Variants in LIN9 observed in about 807,000 individuals in gnomAD.
LIN9 encodes lin-9 DREAM MuvB core complex component, also known as protein lin-9 homolog.
A neutral mutation model predicts 78.0 loss-of-function variants in LIN9; 18 were observed. The observed-to-expected ratio is 0.23, with a 90% confidence interval of 0.16 to 0.34. The LOEUF (loss-of-function observed/expected upper bound fraction) is 0.34. Among genes scored for constraint, LIN9 ranks in the 10% least tolerant of loss-of-function variants. The pLI is 1.00. For missense variants in LIN9, 451 were observed against 644.1 expected, an observed-to-expected ratio of 0.70 and a Z score of 3.25; for synonymous variants, 192 against 215.2, an observed-to-expected ratio of 0.89 and a Z score of 0.94.
intron 4 of LIN9, among the ~76,000 whole-genome samples, chr1:226,294,502 C>A (rs1188943083): frequency 6.6e-6 from 1 of 150,956 alleles, no homozygotes; most frequent in Non-Finnish European, 1.5e-5. Context: ...AACCAAGGAG[C>A]TGGAGATTGC....
At chr1:226,252,764 T>C (rs924304807) in intron 10 of LIN9, among the ~76,000 whole-genome samples, 2 of 151,964 alleles carry the variant, frequency 1.3e-5, no homozygotes, top group African/African-American at 4.8e-5. Flanking sequence ...GTCAGGAGTT[T>C]GAGACCAACC....
chr1:226,306,665 A>G (rs1334950997), intron 1 of LIN9, among the ~76,000 whole-genome samples: 4 of 152,242 alleles, frequency 2.6e-5, no homozygotes, highest in African/African-American at 9.6e-5. Flanking sequence ...TCTGGTTCAT[A>G]GTAAATACTC....
At chr1:226,302,269 T>G (rs1373353667) in intron 1 of LIN9, among the ~76,000 whole-genome samples, 2 of 151,900 alleles carry the variant, frequency 1.3e-5, no homozygotes, top group Admixed American at 6.6e-5. Flanking sequence ...AGAGGCCGGG[T>G]GCGGTGGCTC....
At chr1:226,277,667 T>C in intron 7 of LIN9, 108 bp downstream of exon 7, 1 of 988,036 alleles carries the variant, frequency 1.0e-6, no homozygotes, top group Non-Finnish European at 1.5e-6. Flanking sequence ...CTATTGTAAA[T>C]ATTTCTTGGT....
chr1:226,286,732 C>T (rs865987401), intron 5 of LIN9, among the ~76,000 whole-genome samples: 7 of 152,180 alleles, frequency 4.6e-5, no homozygotes, highest in South Asian at 2.1e-4. Flanking sequence ...GCTATCGTGG[C>T]CCTGGCCTTG....
intron 11 of LIN9, among the ~76,000 whole-genome samples, chr1:226,248,357 A>C (rs969274448): frequency 2.0e-5 from 3 of 152,120 alleles, no homozygotes; most frequent in Non-Finnish European, 4.4e-5. Flanking sequence ...TGCCAGAAAA[A>C]ATTTCGAAAT....
chr1:226,301,999 G>A (rs1474939740), intron 1 of LIN9, among the ~76,000 whole-genome samples: 1 of 152,222 alleles, frequency 6.6e-6, no homozygotes, highest in Non-Finnish European at 1.5e-5. Context: ...AGCCTGGGAG[G>A]TTGAGGCGGC....
intron 10 of LIN9, among the ~76,000 whole-genome samples, chr1:226,258,993 C>CAG (rs1405919397): frequency 1.7e-5 from 2 of 115,186 alleles, no homozygotes; most frequent in East Asian, 2.7e-4. Flanking sequence ...TTTTTTGAGA[C>CAG]AGAGTCTTGC....
At chr1:226,287,254 T>C (rs1211011610) in intron 5 of LIN9, among the ~76,000 whole-genome samples, 1 of 152,184 alleles carries the variant, frequency 6.6e-6, no homozygotes, top group African/African-American at 2.4e-5. Flanking sequence ...AAGTACCACA[T>C]CCAAACTAGA....
At chr1:226,296,153 T>G (rs776758755) in intron 3 of LIN9, among the ~76,000 whole-genome samples, 1 of 152,226 alleles carries the variant, frequency 6.6e-6, no homozygotes. Flanking sequence ...AAGGTGCTTA[T>G]GAATGAAATA....
At position 226,260,628 on chromosome 1, in the gene LIN9, G is replaced by GTTT. The variant is rs559460640; in HGVS notation, c.1038+4902_1038+4904dup. Among the ~76,000 whole-genome samples the GTTT allele has an allele frequency of 2.4e-3, 177 of 73,392 alleles. 9 individuals are homozygous for GTTT. Among genetic ancestry groups the GTTT allele is most frequent in the African/African-American group, 4.4e-3 (87 of 19,816 alleles). 48.1% of individuals were successfully genotyped at this position (73,392 alleles called of 152,430 possible). A position where few individuals can be genotyped will look rare whatever the true frequency, so the allele number is the denominator to read the frequency against. On this transcript the variant is annotated intron_variant, in intron 10 of 14. Transcript: ENST00000681046. ...AGAATTTAAGATCACGGCCAAATGA[G>GTTT]TTTTTTTTTTTTTTTTTTTTTTTTT...
At chr1:226,250,152 G>A (rs1342417574) in intron 11 of LIN9, among the ~76,000 whole-genome samples, 10 of 148,466 alleles carry the variant, frequency 6.7e-5, no homozygotes, top group African/African-American at 1.7e-4. Context: ...CCTGGGCGAC[G>A]AGCAAAATTC....
intron 7 of LIN9, among the ~76,000 whole-genome samples, chr1:226,272,959 A>T (rs1660401163): frequency 6.6e-6 from 1 of 152,104 alleles, no homozygotes; most frequent in African/African-American, 2.4e-5. Context: ...TCAGCTGGAC[A>T]TCATCACCCC....
chr1:226,263,892 T>TAGGTA (rs1418154129), intron 10 of LIN9, among the ~76,000 whole-genome samples: 1 of 152,062 alleles, frequency 6.6e-6, no homozygotes, highest in African/African-American at 2.4e-5. Context: ...GGTAACATAG[T>TAGGTA]GAGACTCCAT....
chr1:226,243,402 T>C (rs917000867), intron 11 of LIN9, among the ~76,000 whole-genome samples: 9 of 152,132 alleles, frequency 5.9e-5, no homozygotes, highest in Non-Finnish European at 8.8e-5. Context: ...TATTTAAAAA[T>C]GTCTGCCCTT....
At chr1:226,256,868 AT>A (rs906697597) in intron 10 of LIN9, among the ~76,000 whole-genome samples, 1 of 151,826 alleles carries the variant, frequency 6.6e-6, no homozygotes, top group Admixed American at 6.6e-5. Flanking sequence ...ATAAAATAAA[AT>A]TTTTTTTAAG....
At chr1:226,240,214 G>A (rs1658014738) in intron 11 of LIN9, among the ~76,000 whole-genome samples, 1 of 152,150 alleles carries the variant, frequency 6.6e-6, no homozygotes, top group African/African-American at 2.4e-5. Context: ...ACTAAATAGA[G>A]CTGACTAACG....
intron 11 of LIN9, among the ~76,000 whole-genome samples, chr1:226,242,969 G>C (rs1658211762): frequency 2.0e-5 from 3 of 152,192 alleles, no homozygotes; most frequent in Non-Finnish European, 4.4e-5. Flanking sequence ...GCATATAGAA[G>C]ATATGTGTTC....
intron 10 of LIN9, among the ~76,000 whole-genome samples, chr1:226,251,945 T>C (rs894299413): frequency 1.3e-5 from 2 of 152,132 alleles, no homozygotes; most frequent in Admixed American, 1.3e-4. Flanking sequence ...TGATAATCAA[T>C]GGCAGCTAAC....
Sources: gnomAD v4.1 joint callset for allele counts (sites outside exome capture counted in the v4.1 genomes callset) on GRCh38, gnomAD v4.1.1 for gene constraint, MANE v1.5 for transcripts, NCBI Gene and HGNC (gene_info 2026-07-23, HGNC 2026-07-21) for gene names.